Variants in BFSP1 observed in about 807,000 individuals in gnomAD.
BFSP1 encodes filensin.
In BFSP1, 38 loss-of-function variants were observed where a neutral mutation model predicts 43.9. The ratio of observed to expected loss-of-function variants is 0.87; its 90% confidence interval spans 0.67 to 1.14. The LOEUF (loss-of-function observed/expected upper bound fraction) is 1.14. Among genes scored for constraint, BFSP1 ranks in the 50% most tolerant of loss-of-function variants. The pLI is 0.00. For synonymous variants in BFSP1, 352 were observed against 354.8 expected (o/e 0.99, Z 0.09); for missense variants, 850 against 875.1 (o/e 0.97, Z 0.36).
chr20:17,542,605 A>G lies in BFSP1; in HGVS notation c.2+16083T>C, dbSNP rs947907947. ...CAAAGTGAGACCCCATCTTAAAAAG[A>G]AAAAAAAAAGTCAGTTGTTAAACAT... On this transcript the variant is annotated intron_variant, in intron 1 of 7. Transcript: ENST00000377868. Among the ~76,000 whole-genome samples, 4 of 149,062 alleles carry G rather than the reference A, an allele frequency of 2.7e-5. No individual in the cohort carries two copies. The South Asian group carries it at 8.5e-4, about 32-fold the overall frequency.
At chr20:17,543,040 C>T (rs1240812869) in intron 1 of BFSP1, among the ~76,000 whole-genome samples, 1 of 152,170 alleles carries the variant, frequency 6.6e-6, no homozygotes, top group African/African-American at 2.4e-5. Flanking sequence ...TTACTCCTAG[C>T]TAATCTCAAT....
intron 1 of BFSP1, among the ~76,000 whole-genome samples, chr20:17,558,163 T>TG (rs971471682): frequency 1.3e-5 from 2 of 151,500 alleles, no homozygotes; most frequent in African/African-American, 2.4e-5. Flanking sequence ...ATTTTCCTTT[T>TG]TTTTTTTAGG....
At chr20:17,538,208 C>T (rs1400322547) in intron 1 of BFSP1, among the ~76,000 whole-genome samples, 1 of 151,810 alleles carries the variant, frequency 6.6e-6, no homozygotes, top group East Asian at 1.9e-4. Context: ...AAAATGACCT[C>T]GTTCATAGGA....
chr20:17,537,515 G>C (rs1475846444), intron 1 of BFSP1, among the ~76,000 whole-genome samples: 3 of 141,940 alleles, frequency 2.1e-5, no homozygotes. Flanking sequence ...ATCAAAGAGA[G>C]CACTAAGCAT....
At chr20:17,558,619 G>T in intron 1 of BFSP1, 1 of 1,497,276 alleles carries the variant, frequency 6.7e-7, no homozygotes, top group South Asian at 1.2e-5. Context: ...CTTTCCTAGA[G>T]TTCTTTAAAG....
chr20:17,528,199 C>T (rs2034461972), intron 1 of BFSP1, among the ~76,000 whole-genome samples: 1 of 152,152 alleles, frequency 6.6e-6, no homozygotes, highest in Non-Finnish European at 1.5e-5. Context: ...CCCACTACCA[C>T]AATCCAAATG....
chr20:17,531,355 C>G lies in BFSP1; in HGVS notation c.-26G>C. ...GGCTGCTCTGGCGCGGGCGCGCGGG[C>G]GGCGCCGAGCCGGCTCTCCAGGAGG... On this transcript the variant is annotated 5_prime_UTR_variant, in exon 1 of 8. Transcript: ENST00000377873. 1 of 1,352,134 alleles carries G rather than the reference C, an allele frequency of 7.4e-7. No individual in the cohort carries two copies. Among genetic ancestry groups the G allele is most frequent in the Non-Finnish European group, 9.4e-7 (1 of 1,058,868 alleles). 83.8% of individuals were successfully genotyped at this position (1,352,134 alleles called of 1,614,324 possible).
In BFSP1 at chr20:17,494,254, T is replaced by C. The variant is rs771748877; in HGVS notation, c.1818A>G (p.Arg606=). 14 of 1,614,172 alleles carry C rather than the reference T, an allele frequency of 8.7e-6. No homozygotes were observed. Among genetic ancestry groups the C allele is most frequent in the Non-Finnish European group, 1.1e-5 (13 of 1,180,026 alleles). The change falls in exon 8 of 8, where the codon AGA becomes AGG. Residue 606 remains arginine (R), a synonymous_variant. Coordinates refer to ENST00000377873, the MANE Select transcript of BFSP1 (RefSeq NM_001195.5). ...TGGGAGGGCCTTTTTCTGGCAGGCTTCTGCTCCTAGTCCCAAGCACCTCAG... is the reference window on the plus strand; with the variant it reads ...TGGGAGGGCCTTTTTCTGGCAGGCTCCTGCTCCTAGTCCCAAGCACCTCAG... ...DGAEVLGTRS[R]SLPEKGPPKA...
chr20:17,501,271 TG>T (rs1158633465), intron 5 of BFSP1, among the ~76,000 whole-genome samples: 2 of 152,148 alleles, frequency 1.3e-5, no homozygotes, highest in Non-Finnish European at 2.9e-5. Context: ...CTTTCAAAGG[TG>T]TTCGGCAAAT....
At position 17,553,810 on chromosome 20, in the gene BFSP1, C is replaced by G. The variant is rs200289227; in HGVS notation, c.2+4878G>C. ...ATATATATATACACACACACACACA[C>G]ACACACACACACACATATATATATA... On this transcript the variant is annotated intron_variant, in intron 1 of 7. Transcript: ENST00000377868. 4.5e-5 allele frequency among the ~76,000 whole-genome samples: 5 copies of G among 111,876 alleles called. 2 individuals carry two copies. Among genetic ancestry groups the G allele is most frequent in the African/African-American group, 1.7e-4 (4 of 22,968 alleles). The allele number at this position is 111,876 out of a possible 152,430, so 73.4% of individuals were successfully genotyped here.
Position 17,508,973 on chromosome 20 carries a change from C to T in BFSP1, c.651G>A (p.Glu217=). 1 of 1,595,900 alleles carries T rather than the reference C, an allele frequency of 6.3e-7. No homozygotes were observed. The highest frequency in any genetic ancestry group is 8.5e-7 in the Non-Finnish European group (1 of 1,172,310). The change falls in exon 5 of 8, where the codon GAG becomes GAA. Residue 217 remains glutamate, a synonymous_variant. Coordinates refer to ENST00000377873, the MANE Select transcript of BFSP1 (RefSeq NM_001195.5). ...CCAGCTGACTCCGCAGGGCGGCCAC[C>T]TCCCGCTCCGTCAGGAGCTTCTCCT... ...MREEKLLTER[E]VAALRSQLEE...
chr20:17,532,812 G>C (rs1028408489), upstream of BFSP1, among the ~76,000 whole-genome samples: 4 of 151,934 alleles, frequency 2.6e-5, no homozygotes, highest in African/African-American at 9.7e-5. Context: ...GTATCAAAAG[G>C]GTTGTTTTCT....
chr20:17,540,664 C>T (rs2034700443), intron 1 of BFSP1, among the ~76,000 whole-genome samples: 1 of 152,120 alleles, frequency 6.6e-6, no homozygotes, highest in Non-Finnish European at 1.5e-5. Flanking sequence ...TTCTCCATGC[C>T]TCTCTAAAAC....
At chr20:17,535,238 C>G (rs2034607651), upstream of BFSP1, among the ~76,000 whole-genome samples, 2 of 152,054 alleles carry the variant, frequency 1.3e-5, no homozygotes, top group Non-Finnish European at 2.9e-5. Flanking sequence ...AAAATACACT[C>G]TGAGGGCTCA....
rs1443806100 is a variant in BFSP1, at chr20:17,525,677, ATTCC to A, written c.378-773_378-770del. Among the ~76,000 whole-genome samples, 1 of 152,122 alleles carries A rather than the reference ATTCC, an allele frequency of 6.6e-6. No homozygotes were observed. The highest frequency in any genetic ancestry group is 1.5e-5 in the Non-Finnish European group (1 of 68,030). ...GGAATTTTAACCCTAAAGAGAGAAG[ATTCC>A]TTCCTAAATGACCCCTCCCCTTGTT... On this transcript the variant is annotated intron_variant, in intron 1 of 7. Coordinates refer to ENST00000377873, the MANE Select transcript of BFSP1 (RefSeq NM_001195.5). This position sits in a 1 kb window ranked among gnomAD's most constrained non-coding sequence, Gnocchi z 4.2.
Position 17,494,957 on chromosome 20 carries a change from C to A in BFSP1, c.1115G>T (p.Arg372Met). 6.2e-7 allele frequency: 1 copy of A among 1,614,154 alleles called. No homozygotes were observed. ...RQKALPKNVP[R>M]RKEIITKDKT... is the part of the protein sequence containing the mutation. ...GTCTTTTGTTATAATCTCTTTTCTCCTTGGAACATTCTTGGGGAGGGCTTT... is the reference window on the plus strand; with the variant it reads ...GTCTTTTGTTATAATCTCTTTTCTCATTGGAACATTCTTGGGGAGGGCTTT... Residue 372 changes from arginine to methionine, a missense_variant, in exon 8 of 8, where the codon AGG becomes ATG. Coordinates refer to ENST00000377873, the MANE Select transcript of BFSP1 (RefSeq NM_001195.5).
chr20:17,547,566 C>G (rs1008706358), intron 1 of BFSP1, among the ~76,000 whole-genome samples: 1 of 152,032 alleles, frequency 6.6e-6, no homozygotes, highest in African/African-American at 2.4e-5. Context: ...TCAAATAGCA[C>G]CCAATGATAA....
chr20:17,542,233 C>T (rs976543778), intron 1 of BFSP1, among the ~76,000 whole-genome samples: 5 of 151,576 alleles, frequency 3.3e-5, no homozygotes, highest in East Asian at 1.9e-4. Flanking sequence ...AAATTGGAAA[C>T]GGTGAGAGTA....
chr20:17,564,526 C>T lies in BFSP1; in HGVS notation n.51-1431G>A, dbSNP rs570550034. 2.6e-4 allele frequency among the ~76,000 whole-genome samples: 39 copies of T among 152,268 alleles called. 1 individual carries two copies. In the South Asian group the frequency reaches 7.5e-3, roughly 29 times the overall value. On this transcript the variant is annotated intron_variant and non_coding_transcript_variant, in intron 1 of 6. Transcript: ENST00000473415. ...GCCCTTATTTTGTAAGTCTTTGTTA[C>T]TTGTAACTAAACACAACCCTTACTA...
Sources: allele counts gnomAD v4.1 joint callset (sites outside exome capture counted in the v4.1 genomes callset), GRCh38; gene constraint gnomAD v4.1.1; non-coding constraint Gnocchi (gnomAD v3.1); transcripts MANE v1.5; gene names NCBI Gene and HGNC (gene_info 2026-07-23, HGNC 2026-07-21).